Variants in NARF observed in about 807,000 individuals in gnomAD.
NARF encodes nuclear prelamin A recognition factor.
A neutral mutation model predicts 48.0 loss-of-function variants in NARF; 41 were observed. The observed-to-expected ratio is 0.85, with a 90% CI of 0.66 to 1.11. The LOEUF is 1.11. NARF is among the 50% of genes least tolerant of loss of function. NARF has a pLI of 0.00. For missense variants in NARF, 613 were observed against 590.2 expected (o/e 1.04, Z -0.40); for synonymous variants, 215 against 225.5 (o/e 0.95, Z 0.42).
rs764779861 is a variant in NARF, at chr17:82,478,833, G to A, written c.554G>A (p.Arg185His). ...WVRYAERVLG[R>H]PITAHLCTAK... is the part of the protein sequence containing the mutation. ...CGATACGCCGAGCGGGTGCTGGGTC[G>A]CCCCATCACTGCCCACCTCTGCACC... Residue 185 changes from arginine to histidine, a missense_variant, in exon 6 of 11, where the codon CGC (arginine) becomes CAC (histidine). Physicochemically the swap from Arg to His is conservative, Grantham distance 29. Transcript: ENST00000309794. The A allele has an allele frequency of 1.4e-5, 23 of 1,613,822 alleles. No individual in the cohort carries two copies. The highest frequency in any genetic ancestry group is 1.6e-4 in the Middle Eastern group (1 of 6,082).
intron 4 of NARF, among the ~76,000 whole-genome samples, chr17:82,470,970 T>C (rs2043686536): frequency 1.3e-5 from 2 of 150,402 alleles, no homozygotes; most frequent in Admixed American, 6.6e-5. Flanking sequence ...GAGACCAGCC[T>C]GGCCCAACAT....
intron 6 of NARF, chr17:82,479,288 G>A (rs2043907124): frequency 5.6e-6 from 1 of 178,932 alleles, no homozygotes; most frequent in Non-Finnish European, 1.2e-5. Flanking sequence ...AAAGTGGCCT[G>A]TGCCTGGAGG....
chr17:82,470,844 AG>A (rs2043683399), intron 4 of NARF, among the ~76,000 whole-genome samples: 1 of 151,756 alleles, frequency 6.6e-6, no homozygotes, highest in African/African-American at 2.4e-5. Context: ...TTACCTGGGG[AG>A]GGGGAGAAAC....
At chr17:82,487,795 T>TGGA in intron 10 of NARF, 121 bp from the exon 11 acceptor site, 1 of 444,384 alleles carries the variant, frequency 2.3e-6, no homozygotes. Context: ...GCCCAATCTC[T>TGGA]ACAAAAAATT....
intron 5 of NARF, among the ~76,000 whole-genome samples, chr17:82,475,336 C>T (rs1251159081): frequency 6.6e-6 from 1 of 152,250 alleles, no homozygotes; most frequent in Non-Finnish European, 1.5e-5. Flanking sequence ...CGCAGTGGCT[C>T]ACGCCTGTAA....
rs1490188029 is a variant in NARF at position 82,488,379 on chromosome 17, T to C, written c.*222T>C. On this transcript the variant is annotated 3_prime_UTR_variant, in exon 11 of 11. Coordinates refer to ENST00000309794, the MANE Select transcript of NARF (RefSeq NM_012336.4). ...AGGTGTGGGATTGGAACTTTTTTTT[T>C]CTTTTTTTTTTTTTGAGACGGAGTC... The C allele has an allele frequency of 2.1e-5, 13 of 626,310 alleles. No homozygotes were observed. Among genetic ancestry groups the C allele is most frequent in the Admixed American group, 3.7e-5 (1 of 26,676 alleles). 38.8% of individuals were successfully genotyped at this position (626,310 alleles called of 1,614,324 possible). A position where few individuals can be genotyped will look rare whatever the true frequency, so the allele number is the denominator to read the frequency against.
At position 82,488,204 on chromosome 17, in the gene NARF, C is replaced by CAG; in HGVS notation, c.*47_*48insAG. On this transcript the variant is annotated 3_prime_UTR_variant, in exon 11 of 11. Transcript: ENST00000309794. The stretch of plus-strand genomic sequence containing the variant: ...CTGCTCTTGGGGCCAGAGCCAAGAG[C>CAG]CTCTCAGTAGAGGGAGGGGCTGCCC... 1 of 1,597,062 alleles carries CAG rather than the reference C, an allele frequency of 6.3e-7. No individual in the cohort carries two copies. Among genetic ancestry groups the CAG allele is most frequent in the Non-Finnish European group, 8.5e-7 (1 of 1,169,980 alleles).
At chr17:82,468,202 T>C (rs1025899793) in intron 3 of NARF, among the ~76,000 whole-genome samples, 40 of 151,994 alleles carry the variant, frequency 2.6e-4, no homozygotes, top group African/African-American at 9.2e-4. Context: ...TCCCAGCTAC[T>C]TGGGAGGCTG....
At chr17:82,481,234 C>G in intron 7 of NARF, 23 bp downstream of exon 7, 1 of 1,612,564 alleles carries the variant, frequency 6.2e-7, no homozygotes, top group Non-Finnish European at 8.5e-7. Context: ...CGGGGGTGCA[C>G]CTGGGCGCTG....
At chr17:82,474,565 G>A (rs1342745947) in intron 5 of NARF, among the ~76,000 whole-genome samples, 1 of 152,194 alleles carries the variant, frequency 6.6e-6, no homozygotes, top group Non-Finnish European at 1.5e-5. Context: ...GCTAGTCGTA[G>A]GCTGTATAAT....
intron 10 of NARF, 128 bp from the exon 11 acceptor site, chr17:82,487,788 C>CCAAGGGA: frequency 1.3e-6 from 1 of 759,776 alleles, no homozygotes; most frequent in Non-Finnish European, 2.1e-6. Context: ...CCCTCCCGCC[C>CCAAGGGA]AATCTCTACA....
chr17:82,485,997 G>A (rs951937408), intron 10 of NARF, among the ~76,000 whole-genome samples: 8 of 152,178 alleles, frequency 5.3e-5, no homozygotes, highest in South Asian at 2.1e-4. Context: ...CCCCTGCCCC[G>A]TGCCAGGCAC....
In NARF at chr17:82,464,216, G is replaced by A; in HGVS notation, c.109-71G>A. 3 of 1,553,748 alleles carry A rather than the reference G, an allele frequency of 1.9e-6. No homozygotes were observed. The South Asian group carries it at 3.6e-5, about 19-fold the overall frequency. ...TTTACTGTGAATTCTGTATATGGGT[G>A]TTACCCTCTCTAAAGAAGCACATTA... On this transcript the variant is annotated intron_variant, in intron 2 of 10. Coordinates refer to ENST00000309794, the MANE Select transcript of NARF (RefSeq NM_012336.4).
chr17:82,481,745 A>T (rs926853735), intron 7 of NARF: 4 of 432,802 alleles, frequency 9.2e-6, no homozygotes, highest in African/African-American at 6.4e-5. Flanking sequence ...AAAAAAAAAA[A>T]AGATAAATCA....
intron 5 of NARF, among the ~76,000 whole-genome samples, chr17:82,478,365 C>T (rs796877816): frequency 2.6e-5 from 4 of 152,308 alleles, no homozygotes; most frequent in African/African-American, 7.2e-5. Context: ...GTTAGTTTCT[C>T]GCCGGTGAGA....
rs116334394 is a variant in NARF, at chr17:82,464,376, C to G, written c.198C>G (p.Val66=). 1.4e-3 allele frequency: 2,210 copies of G among 1,614,044 alleles called. 34 individuals carry two copies. In the African/African-American group the frequency reaches 0.026, roughly 19 times the overall value. Residue 66 remains valine, a synonymous_variant, in exon 3 of 11, where the codon GTC becomes GTG. Coordinates refer to ENST00000309794, the MANE Select transcript of NARF (RefSeq NM_012336.4). ...GCTGTATGACTGCAGAGGAAGGAGTCCAACTTTCCCAGCAAAATGCCAAGG... is the reference window on the plus strand; with the variant it reads ...GCTGTATGACTGCAGAGGAAGGAGTGCAACTTTCCCAGCAAAATGCCAAGG... The part of the protein sequence containing the change: ...CDSCMTAEEG[V]QLSQQNAKDF...
intron 8 of NARF, 72 bp downstream of exon 8, chr17:82,483,851 G>T: frequency 7.2e-7 from 1 of 1,387,540 alleles, no homozygotes; most frequent in Middle Eastern, 2.4e-4. Flanking sequence ...CACCTGCCAG[G>T]CCCAGGGCTG....
upstream of NARF, chr17:82,458,529 G>GCCCCGCGCGC (rs2043341149): frequency 1.0e-5 from 4 of 400,118 alleles, no homozygotes; most frequent in Non-Finnish European, 1.8e-5. Context: ...TGAGCCTGCG[G>GCCCCGCGCGC]TCCGCCCCGC....
Position 82,488,239 on chromosome 17 carries a change from T to G in NARF, c.*82T>G. On this transcript the variant is annotated 3_prime_UTR_variant, in exon 11 of 11. Transcript: ENST00000309794. ...GAGGGAGGGGCTGCCCTGAGTGGAG[T>G]ATTAAAGACACTTAAGAAAACCGCT... 1 of 1,531,272 alleles carries G rather than the reference T, an allele frequency of 6.5e-7. No individual in the cohort carries two copies. Among genetic ancestry groups the G allele is most frequent in the South Asian group, 1.3e-5 (1 of 78,754 alleles). The allele number at this position is 1,531,272 out of a possible 1,614,324, so 94.9% of individuals were successfully genotyped here.
Sources: allele counts gnomAD v4.1 joint callset (sites outside exome capture counted in the v4.1 genomes callset), GRCh38; gene constraint gnomAD v4.1.1; transcripts MANE v1.5; gene names NCBI Gene and HGNC (gene_info 2026-07-23, HGNC 2026-07-21).